Variants in EIF4EBP2 observed in about 807,000 individuals in gnomAD.
EIF4EBP2 encodes the protein eukaryotic translation initiation factor 4E-binding protein 2.
A neutral mutation model predicts 10.3 loss-of-function variants in EIF4EBP2; 5 were observed. That is an observed-to-expected ratio of 0.48 (90% CI 0.25 to 1.02). EIF4EBP2 has a LOEUF of 1.02. Among genes scored for constraint, EIF4EBP2 ranks in the 50% least tolerant of loss-of-function variants. EIF4EBP2 has a pLI of 0.15. For missense variants in EIF4EBP2, 188 were observed against 162.2 expected, an observed-to-expected ratio of 1.16 and a Z score of -0.86; for synonymous variants, 67 against 61.1, an observed-to-expected ratio of 1.10 and a Z score of -0.45.
rs1367918006 is a variant in EIF4EBP2, at chr10:70,426,651, G to A, written c.*4904G>A. ...TTCTTATCTGTAGCCCTGCTTGCTT[G>A]AGAGTATACTTGGATAAGAAGTATT... On this transcript the variant is annotated 3_prime_UTR_variant, in exon 3 of 3. Transcript: ENST00000373218. The A allele has an allele frequency of 6.6e-6, 1 of 152,240 alleles. No individual in the cohort carries two copies. The highest frequency in any genetic ancestry group is 2.4e-5 in the African/African-American group (1 of 41,458). 9.4% of individuals were successfully genotyped at this position (152,240 alleles called of 1,614,324 possible). A position where few individuals can be genotyped will look rare whatever the true frequency, so the allele number is the denominator to read the frequency against.
Position 70,425,573 on chromosome 10 carries a change from G to A in EIF4EBP2, c.*3826G>A, listed in dbSNP as rs1298281494. On this transcript the variant is annotated 3_prime_UTR_variant, in exon 3 of 3. Transcript: ENST00000373218. ...GGCAAACTCCCCAAAGCTACCTGCT[G>A]GTTTTGAGAGGGGTGGTAAGACATG... 1 of 152,210 alleles carries A rather than the reference G, an allele frequency of 6.6e-6. No individual in the cohort carries two copies. Among genetic ancestry groups the A allele is most frequent in the Non-Finnish European group, 1.5e-5 (1 of 68,038 alleles). The allele number at this position is 152,210 out of a possible 1,614,324, so 9.4% of individuals were successfully genotyped here. A position where few individuals can be genotyped will look rare whatever the true frequency, so the allele number is the denominator to read the frequency against.
In EIF4EBP2 at chr10:70,411,585, C is replaced by G. The variant is rs372563991; in HGVS notation, c.145+7039C>G. ...GCAGCCTTGACCTCCTGGGCTCAGC[C>G]TCCTGGGATCATAGGAGTGCCACCA... On this transcript the variant is annotated intron_variant, in intron 1 of 2. Transcript: ENST00000373218. Among the ~76,000 whole-genome samples the G allele has an allele frequency of 1.1e-4, 17 of 152,190 alleles. No individual in the cohort carries two copies. In the East Asian group the frequency reaches 2.7e-3, roughly 24 times the overall value.
intron 1 of EIF4EBP2, among the ~76,000 whole-genome samples, chr10:70,413,485 G>A (rs567014133): frequency 6.6e-6 from 1 of 151,830 alleles, no homozygotes; most frequent in East Asian, 1.9e-4. Flanking sequence ...TAGTTGGACT[G>A]TAGTCCCAGC....
rs1845219667 is a variant in EIF4EBP2, at chr10:70,427,881, G to C, written c.*6134G>C. On this transcript the variant is annotated 3_prime_UTR_variant, in exon 3 of 3. Transcript: ENST00000373218. Reference sequence around the variant, plus strand: ...CCGGTGCTTAAAACCAAAACTCCTGGACACTTAGAAAATTCCATGAATCTA... The same window carrying C: ...CCGGTGCTTAAAACCAAAACTCCTGCACACTTAGAAAATTCCATGAATCTA... 1 of 151,920 alleles carries C rather than the reference G, an allele frequency of 6.6e-6. No individual in the cohort carries two copies. The highest frequency in any genetic ancestry group is 1.5e-5 in the Non-Finnish European group (1 of 68,002). 9.4% of individuals were successfully genotyped at this position (151,920 alleles called of 1,614,324 possible).
At chr10:70,412,491 G>C (rs1845056350) in intron 1 of EIF4EBP2, among the ~76,000 whole-genome samples, 1 of 152,038 alleles carries the variant, frequency 6.6e-6, no homozygotes, top group Non-Finnish European at 1.5e-5. Context: ...TTTAATTTCA[G>C]CTTACATAAT....
rs903437324 is a variant in EIF4EBP2 at position 70,419,919 on chromosome 10, C to G, written c.151C>G (p.Arg51Gly). 3.8e-6 allele frequency: 6 copies of G among 1,568,710 alleles called. No individual in the cohort carries two copies. Among genetic ancestry groups the G allele is most frequent in the East Asian group, 2.3e-5 (1 of 43,062 alleles). Residue 51 changes from arginine (R) to glycine (G), a missense_variant, in exon 2 of 3, where the codon CGA (arginine) becomes GGA (glycine). Arg to Gly is a moderately radical substitution (Grantham distance 125, BLOSUM62 -2). Transcript: ENST00000373218. ...TLFSTTPGGTRIIYDRKFLLD... is the reference protein window; with the variant it reads ...TLFSTTPGGTGIIYDRKFLLD... ...TTTTTAACCCTGTTTTCCAGGAACT[C>G]GAATCATTTATGACAGAAAGTTTCT...
Position 70,422,833 on chromosome 10 carries a change from T to G in EIF4EBP2, c.*1086T>G, listed in dbSNP as rs1427243658. 6.6e-6 allele frequency: 1 copy of G among 152,244 alleles called. No individual in the cohort carries two copies. The highest frequency in any genetic ancestry group is 1.5e-5 in the Non-Finnish European group (1 of 68,034). The allele number at this position is 152,244 out of a possible 1,614,324, so 9.4% of individuals were successfully genotyped here. A position where few individuals can be genotyped will look rare whatever the true frequency, so the allele number is the denominator to read the frequency against. On this transcript the variant is annotated 3_prime_UTR_variant, in exon 3 of 3. Transcript: ENST00000373218. The stretch of plus-strand genomic sequence containing the variant: ...GAGTTTGAAGTTGATTTTCAGAATG[T>G]TCTTAGAAAAGAACTGCATTTTTTT...
At chr10:70,416,104 A>C (rs1337917123) in intron 1 of EIF4EBP2, among the ~76,000 whole-genome samples, 1 of 152,216 alleles carries the variant, frequency 6.6e-6, no homozygotes, top group South Asian at 2.1e-4. Flanking sequence ...TATGTGGTGG[A>C]ATGGCCTGTT....
chr10:70,406,336 T>A (rs1349637975), intron 1 of EIF4EBP2, among the ~76,000 whole-genome samples: 3 of 152,224 alleles, frequency 2.0e-5, no homozygotes, highest in African/African-American at 7.2e-5. Context: ...ATAAGAGTTG[T>A]CTTGAACTTG....
rs1845137765 is a variant in EIF4EBP2 at position 70,420,014 on chromosome 10, T to C, written c.246T>C (p.Thr82=). The C allele has an allele frequency of 6.2e-7, 1 of 1,613,294 alleles. No individual in the cohort carries two copies. The highest frequency in any genetic ancestry group is 1.3e-5 in the African/African-American group (1 of 74,872). ...ACCTGCCCAATATCCCAGGAGTCACTAGCCCTGGCACCTTAATTGAAGACT... is the reference window on the plus strand; with the variant it reads ...ACCTGCCCAATATCCCAGGAGTCACCAGCCCTGGCACCTTAATTGAAGACT... ...PCHLPNIPGV[T]SPGTLIEDSK... The change falls in exon 2 of 3, where the codon ACT becomes ACC. Residue 82 remains threonine, a synonymous_variant. Transcript: ENST00000373218.
At chr10:70,407,740 C>A (rs1375867625) in intron 1 of EIF4EBP2, among the ~76,000 whole-genome samples, 1 of 134,338 alleles carries the variant, frequency 7.4e-6, no homozygotes, top group Non-Finnish European at 1.6e-5. Context: ...ACCCCCCCCC[C>A]ACCTCCCTCC....
chr10:70,405,766 A>T (rs946292548), intron 1 of EIF4EBP2, among the ~76,000 whole-genome samples: 1 of 152,086 alleles, frequency 6.6e-6, no homozygotes, highest in Non-Finnish European at 1.5e-5. Flanking sequence ...ACACCAAGGG[A>T]TAAAATCTAG....
intron 1 of EIF4EBP2, among the ~76,000 whole-genome samples, chr10:70,414,801 G>T (rs775307902): frequency 1.1e-4 from 16 of 152,070 alleles, no homozygotes; most frequent in Non-Finnish European, 2.2e-4. Flanking sequence ...CCAGAGGGTG[G>T]AGGTTGCAGT....
At position 70,416,700 on chromosome 10, in the gene EIF4EBP2, CTG is replaced by C. The variant is rs1295676149; in HGVS notation, c.146-3212_146-3211del. On this transcript the variant is annotated intron_variant, in intron 1 of 2. Transcript: ENST00000373218. ...TTTTTTTTTGAGACAGGGTCTCACT[CTG>C]TCATCTAAGCTGAGTGCAGTGGTGC... Among the ~76,000 whole-genome samples the C allele has an allele frequency of 6.6e-5, 9 of 136,030 alleles. No homozygotes were observed. In the East Asian group the frequency reaches 1.9e-3, roughly 29 times the overall value. 89.2% of individuals were successfully genotyped at this position (136,030 alleles called of 152,430 possible).
At chr10:70,419,749 G>A (rs769130747) in intron 1 of EIF4EBP2, among the ~76,000 whole-genome samples, 165 bp from the exon 2 acceptor site, 16 of 152,176 alleles carry the variant, frequency 1.1e-4, no homozygotes, top group Non-Finnish European at 2.4e-4. Context: ...CCAGATGGCA[G>A]AAGAGCCTGT....
chr10:70,411,198 C>G lies in EIF4EBP2; in HGVS notation c.145+6652C>G, dbSNP rs1845040211. Among the ~76,000 whole-genome samples the G allele has an allele frequency of 2.0e-5, 3 of 152,180 alleles. No individual in the cohort carries two copies. The South Asian group carries it at 6.2e-4, about 32-fold the overall frequency. On this transcript the variant is annotated intron_variant, in intron 1 of 2. Transcript: ENST00000373218. ...GTTTTTCATCTTCCTAAACTGAAAC[C>G]TCATACCAATTAAACAATAACTTCC...
chr10:70,404,379 G>A lies in EIF4EBP2; in HGVS notation c.-23G>A. 2 of 1,540,660 alleles carry A rather than the reference G, an allele frequency of 1.3e-6. No individual in the cohort carries two copies. Among genetic ancestry groups the A allele is most frequent in the Non-Finnish European group, 8.7e-7 (1 of 1,146,728 alleles). On this transcript the variant is annotated 5_prime_UTR_variant, in exon 1 of 3. Coordinates refer to ENST00000373218, the MANE Select transcript of EIF4EBP2 (RefSeq NM_004096.5). ...CGCCGCCGCCTGCCCGCCGGACAAA[G>A]CCGAGAGCCCGCGCCCACAGCCATG... is the stretch of plus-strand genomic sequence containing the variant.
At position 70,405,588 on chromosome 10, in the gene EIF4EBP2, A is replaced by G. The variant is rs1051406790; in HGVS notation, c.145+1042A>G. Among the ~76,000 whole-genome samples, 11 of 152,162 alleles carry G rather than the reference A, an allele frequency of 7.2e-5. No individual in the cohort carries two copies. In the East Asian group the frequency reaches 2.1e-3, roughly 29 times the overall value. Reference sequence around the variant, plus strand: ...TTTGGTGCTGGGGTGGCCTCTTGCTAGAGGGTGGGGACTTCGCAGCTCCTG... The same window carrying G: ...TTTGGTGCTGGGGTGGCCTCTTGCTGGAGGGTGGGGACTTCGCAGCTCCTG... On this transcript the variant is annotated intron_variant, in intron 1 of 2. Coordinates refer to ENST00000373218, the MANE Select transcript of EIF4EBP2 (RefSeq NM_004096.5).
At chr10:70,416,577 C>CAAAA (rs370665696) in intron 1 of EIF4EBP2, among the ~76,000 whole-genome samples, 1 of 79,776 alleles carries the variant, frequency 1.3e-5, no homozygotes. Flanking sequence ...GACTCTGTCT[C>CAAAA]AAAAAAAAAA....
Sources: gnomAD v4.1 joint callset for allele counts (sites outside exome capture counted in the v4.1 genomes callset) on GRCh38, gnomAD v4.1.1 for gene constraint, MANE v1.5 for transcripts, NCBI Gene and HGNC (gene_info 2026-07-23, HGNC 2026-07-21) for gene names.